Variants in ATP2C2 observed in about 807,000 individuals in gnomAD.
ATP2C2 encodes the protein ATPase secretory pathway Ca2+ transporting 2, also known as calcium-transporting ATPase type 2C member 2.
A neutral mutation model predicts 110.8 loss-of-function variants in ATP2C2; 171 were observed. The observed-to-expected ratio is 1.54, with a 90% CI of 1.36 to 1.75. The LOEUF (loss-of-function observed/expected upper bound fraction) is 1.75. ATP2C2 is among the 40% of genes most tolerant of loss of function. ATP2C2 has a pLI of 0.00. For synonymous variants in ATP2C2, 804 were observed against 508.4 expected (o/e 1.58, Z -7.82); for missense variants, 1,963 against 1,235.0 (o/e 1.59, Z -8.84).
At chr16:84,404,906 G>A (rs11149650) in intron 2 of ATP2C2, 635,192 of 637,648 alleles carry the variant, frequency 1, 316,409 homozygotes, top group East Asian at 1. Flanking sequence ...GACCAGAGTC[G>A]TCTTTTCTGC....
At chr16:84,429,156 G>C (rs1372165780) in intron 11 of ATP2C2, among the ~76,000 whole-genome samples, 1 of 151,840 alleles carries the variant, frequency 6.6e-6, no homozygotes, top group Non-Finnish European at 1.5e-5. Flanking sequence ...TTGTTTGTTT[G>C]TTTGTTTGTT....
At chr16:84,369,636 C>G (rs1272231970) in intron 1 of ATP2C2, among the ~76,000 whole-genome samples, 3 of 151,890 alleles carry the variant, frequency 2.0e-5, no homozygotes, top group Non-Finnish European at 2.9e-5. Context: ...CAAAGGTAAA[C>G]TTACCTTTTA....
At chr16:84,418,136 G>A (rs1017327676) in intron 7 of ATP2C2, among the ~76,000 whole-genome samples, 2 of 152,188 alleles carry the variant, frequency 1.3e-5, no homozygotes, top group Non-Finnish European at 2.9e-5. Context: ...AAAGGGAATT[G>A]GGTCGGAGGT....
At chr16:84,387,696 C>T (rs901930558) in intron 1 of ATP2C2, among the ~76,000 whole-genome samples, 5 of 152,174 alleles carry the variant, frequency 3.3e-5, no homozygotes, top group Admixed American at 6.5e-5. Flanking sequence ...TCCAAGGTTG[C>T]GGCCCCTCAA....
chr16:84,384,147 A>G (rs186595131), intron 1 of ATP2C2, among the ~76,000 whole-genome samples: 3 of 151,852 alleles, frequency 2.0e-5, no homozygotes, highest in African/African-American at 7.3e-5. Context: ...TCAGGAAATG[A>G]ACATCTACAC....
Position 84,401,222 on chromosome 16 carries a change from C to CTTTTTTTT in ATP2C2, c.210+2625_210+2632dup, listed in dbSNP as rs55635029. Among the ~76,000 whole-genome samples the CTTTTTTTT allele has an allele frequency of 6.6e-5, 8 of 121,558 alleles. 2 individuals carry two copies. Among genetic ancestry groups the CTTTTTTTT allele is most frequent in the Non-Finnish European group, 8.2e-5 (5 of 61,230 alleles). 79.7% of individuals were successfully genotyped at this position (121,558 alleles called of 152,430 possible). On this transcript the variant is annotated intron_variant, in intron 2 of 26. Transcript: ENST00000262429. ...GTGATCTTAGATTGAAGTCTTTAAT[C>CTTTTTTTT]TTTTTTTTTTTTTTTTTTTGAGACA...
chr16:84,455,116 T>C, intron 21 of ATP2C2, 132 bp downstream of exon 21: 2 of 1,225,136 alleles, frequency 1.6e-6, no homozygotes, highest in Non-Finnish European at 2.3e-6. Flanking sequence ...ATCTCGGGGC[T>C]CGTCAGTGTG....
rs375505877 is a variant in ATP2C2 at position 84,459,131 on chromosome 16, A to C, written c.2159A>C (p.Glu720Ala). The C allele has an allele frequency of 3.7e-6, 6 of 1,614,124 alleles. No homozygotes were observed. The highest frequency in any genetic ancestry group is 5.1e-6 in the Non-Finnish European group (6 of 1,180,022). Residue 720 changes from glutamate (E) to alanine (A), a missense_variant, in exon 22 of 27, where the codon GAG becomes GCG. Glu to Ala is a moderately radical substitution (Grantham distance 107). Coordinates refer to ENST00000262429, the MANE Select transcript of ATP2C2 (RefSeq NM_014861.4). The stretch of plus-strand genomic sequence containing the variant: ...CTCTTCTCTTGCAGGAATGCAGTGG[A>C]GGAAGGCAAGGGTATTTTTTACAAC... ...DDFSAIMNAVEEGKGIFYNIK... is the reference protein window; with the variant it reads ...DDFSAIMNAVAEGKGIFYNIK...
chr16:84,374,927 A>G (rs551887122), intron 1 of ATP2C2, among the ~76,000 whole-genome samples: 2 of 152,286 alleles, frequency 1.3e-5, no homozygotes, highest in East Asian at 3.9e-4. Flanking sequence ...TTATTCAGGG[A>G]CTTCAAAAAT....
intron 1 of ATP2C2, among the ~76,000 whole-genome samples, chr16:84,384,090 A>G (rs887485281): frequency 2.0e-5 from 3 of 152,002 alleles, no homozygotes; most frequent in African/African-American, 7.2e-5. Flanking sequence ...TGCCCAGCCT[A>G]TTTTCTTTAA....
At chr16:84,436,890 G>A (rs1480809870) in intron 11 of ATP2C2, among the ~76,000 whole-genome samples, 1 of 150,242 alleles carries the variant, frequency 6.7e-6, no homozygotes, top group Non-Finnish European at 1.5e-5. Context: ...AGCCTCCCGA[G>A]TAGCTGGGAT....
chr16:84,441,031 A>G (rs1178827666), intron 14 of ATP2C2, 73 bp downstream of exon 14: 5 of 1,268,582 alleles, frequency 3.9e-6, no homozygotes, highest in Non-Finnish European at 4.5e-6. Flanking sequence ...CTGAAAAGGG[A>G]AACAGCCATT....
At chr16:84,370,868 G>C (rs1909914846) in intron 1 of ATP2C2, among the ~76,000 whole-genome samples, 1 of 152,052 alleles carries the variant, frequency 6.6e-6, no homozygotes, top group Non-Finnish European at 1.5e-5. Flanking sequence ...CTGAGAACTT[G>C]CTGTGTCTTC....
At chr16:84,415,943 A>C (rs1389534227) in intron 7 of ATP2C2, among the ~76,000 whole-genome samples, 1 of 151,810 alleles carries the variant, frequency 6.6e-6, no homozygotes, top group Non-Finnish European at 1.5e-5. Context: ...AAGTGATATT[A>C]GAGGCGGGTG....
chr16:84,410,673 T>C (rs765222381), intron 5 of ATP2C2, 31 bp from the exon 6 acceptor site: 10 of 1,613,818 alleles, frequency 6.2e-6, no homozygotes, highest in Non-Finnish European at 8.5e-7. Context: ...TCCCCACCTT[T>C]AAACAGCACA....
chr16:84,446,540 G>C (rs370893168), intron 16 of ATP2C2, 110 bp downstream of exon 16: 66 of 674,160 alleles, frequency 9.8e-5, no homozygotes, highest in Non-Finnish European at 1.4e-4. Context: ...GGCTGCTTCT[G>C]TGACGTTCCA....
chr16:84,446,027 C>T (rs1909717081), intron 15 of ATP2C2, among the ~76,000 whole-genome samples: 1 of 152,190 alleles, frequency 6.6e-6, no homozygotes. Flanking sequence ...TGAGAAATTG[C>T]TACACCTTCA....
intron 21 of ATP2C2, among the ~76,000 whole-genome samples, chr16:84,456,410 C>T (rs1910792425): frequency 6.6e-6 from 1 of 151,574 alleles, no homozygotes; most frequent in African/African-American, 2.4e-5. Context: ...AAACTGGAAG[C>T]ATTCCCTTTG....
At chr16:84,391,261 A>G (rs538104137) in intron 1 of ATP2C2, among the ~76,000 whole-genome samples, 1 of 152,296 alleles carries the variant, frequency 6.6e-6, no homozygotes, top group East Asian at 1.9e-4. Flanking sequence ...TGCGATTCAC[A>G]GTGGACTGAT....
Sources: allele counts gnomAD v4.1 joint callset (sites outside exome capture counted in the v4.1 genomes callset), GRCh38; gene constraint gnomAD v4.1.1; transcripts MANE v1.5; gene names NCBI Gene and HGNC (gene_info 2026-07-23, HGNC 2026-07-21).